The following BRDT variants were observed in gnomAD, a reference collection of about 807,000 sequenced individuals.
BRDT encodes bromodomain testis associated, also known as bromodomain testis-specific protein.
A neutral mutation model predicts 113.9 loss-of-function variants in BRDT; 77 were observed. That is an observed-to-expected ratio of 0.68 (90% CI 0.56 to 0.82). The LOEUF is 0.82. BRDT is among the 40% of genes least tolerant of loss of function. BRDT has a pLI of 0.00. For synonymous variants in BRDT, 358 were observed against 366.5 expected (o/e 0.98, Z 0.26); for missense variants, 1,027 against 1,105.4 (o/e 0.93, Z 1.01).
intron 2 of BRDT, among the ~76,000 whole-genome samples, chr1:91,963,684 T>C (rs1682745973): frequency 6.6e-6 from 1 of 152,186 alleles, no homozygotes; most frequent in Non-Finnish European, 1.5e-5. Flanking sequence ...AATTTTATTC[T>C]ATGGAGTCAG....
At chr1:91,973,584 G>A (rs911456787) in intron 4 of BRDT, among the ~76,000 whole-genome samples, 3 of 152,252 alleles carry the variant, frequency 2.0e-5, no homozygotes, top group African/African-American at 7.2e-5. Flanking sequence ...CTGTTTGTCT[G>A]TTATTGGTGT....
At chr1:91,984,590 C>T (rs894456690) in intron 12 of BRDT, among the ~76,000 whole-genome samples, 5 of 151,878 alleles carry the variant, frequency 3.3e-5, no homozygotes, top group African/African-American at 1.2e-4. Flanking sequence ...TAAAAATTGA[C>T]TGAAAATATG....
At chr1:91,963,194 A>G (rs1331818127) in intron 2 of BRDT, among the ~76,000 whole-genome samples, 1 of 152,174 alleles carries the variant, frequency 6.6e-6, no homozygotes, top group African/African-American at 2.4e-5. Context: ...GTGGTGGCAC[A>G]TGCCTGTACT....
chr1:91,966,006 A>T (rs1305889288), intron 3 of BRDT, among the ~76,000 whole-genome samples: 2 of 152,052 alleles, frequency 1.3e-5, no homozygotes, highest in Non-Finnish European at 2.9e-5. Context: ...TGCCCATATG[A>T]TATATGTAGA....
At chr1:91,979,899 T>G (rs1470609886) in intron 8 of BRDT, 142 bp downstream of exon 8, 2 of 629,924 alleles carry the variant, frequency 3.2e-6, no homozygotes, top group African/African-American at 3.7e-5. Flanking sequence ...TTTGTAATGT[T>G]TAATAGTTTT....
intron 12 of BRDT, among the ~76,000 whole-genome samples, chr1:91,988,361 G>A (rs978944908): frequency 6.6e-6 from 1 of 152,058 alleles, no homozygotes; most frequent in African/African-American, 2.4e-5. Context: ...TTGGCAATGT[G>A]TAAGTTGTCA....
At chr1:91,961,942 G>A (rs1489361428) in intron 1 of BRDT, among the ~76,000 whole-genome samples, 1 of 151,832 alleles carries the variant, frequency 6.6e-6, no homozygotes, top group Non-Finnish European at 1.5e-5. Context: ...CGGATCACGA[G>A]GTCAGGAGAT....
intron 1 of BRDT, among the ~76,000 whole-genome samples, chr1:91,958,521 C>T (rs1195041675): frequency 6.6e-6 from 1 of 152,146 alleles, no homozygotes; most frequent in Non-Finnish European, 1.5e-5. Flanking sequence ...CAGCCGATAG[C>T]TCATTTCTTT....
At chr1:91,998,790 G>A (rs1203645549) in intron 15 of BRDT, among the ~76,000 whole-genome samples, 1 of 152,190 alleles carries the variant, frequency 6.6e-6, no homozygotes, top group Non-Finnish European at 1.5e-5. Flanking sequence ...GCTTACCTAT[G>A]TTTATTTAGT....
At chr1:91,971,086 GT>G (rs1330342375) in intron 4 of BRDT, among the ~76,000 whole-genome samples, 1 of 152,048 alleles carries the variant, frequency 6.6e-6, no homozygotes, top group East Asian at 1.9e-4. Context: ...AGAGGGAGCT[GT>G]TGTATCACAT....
rs112903599 is a variant in BRDT, at chr1:91,984,658, C to T, written c.2002+2903C>T. Among the ~76,000 whole-genome samples the T allele has an allele frequency of 9.1e-3, 1,390 of 152,124 alleles. 19 individuals carry two copies. The highest frequency in any genetic ancestry group is 0.023 in the African/African-American group (951 of 41,512). The stretch of plus-strand genomic sequence containing the variant: ...TAATTAAAAAAAATTTTTTTTGAGA[C>T]AGGGTCTGGCTCTGTCGCCCAGGCT... On this transcript the variant is annotated intron_variant, in intron 12 of 18. Transcript: ENST00000399546.
chr1:91,952,566 A>AC (rs925083671), intron 1 of BRDT, among the ~76,000 whole-genome samples: 67 of 236 alleles, frequency 0.28, no homozygotes, highest in African/African-American at 0.4. Flanking sequence ...TTTAAAGGAG[A>AC]CTGACAAAGT....
chr1:91,971,442 T>C (rs1570493241), intron 4 of BRDT, among the ~76,000 whole-genome samples: 1 of 152,358 alleles, frequency 6.6e-6, no homozygotes, highest in African/African-American at 2.4e-5. Context: ...AGCATTCCAC[T>C]ACCAGAGTCA....
In BRDT at chr1:91,981,026, T is replaced by C. The variant is rs749394866; in HGVS notation, c.1598T>C (p.Val533Ala). ...CTCCCTGGAGATAAACTTGGGCGAGTAGTTCACATAATACAATCAAGAGAG... is the reference window on the plus strand; with the variant it reads ...CTCCCTGGAGATAAACTTGGGCGAGCAGTTCACATAATACAATCAAGAGAG... ...NKLPGDKLGR[V>A]VHIIQSREPS... The change falls in exon 10 of 19, where the codon GTA (valine) becomes GCA (alanine). Residue 533 changes from valine to alanine, a missense_variant. Coordinates refer to ENST00000399546, the MANE Select transcript of BRDT (RefSeq NM_207189.4). 1.9e-6 allele frequency: 3 copies of C among 1,613,894 alleles called. No homozygotes were observed. In the South Asian group the frequency reaches 3.3e-5, roughly 18 times the overall value.
intron 1 of BRDT, among the ~76,000 whole-genome samples, chr1:91,962,490 C>T (rs1270856237): frequency 6.6e-6 from 1 of 151,962 alleles, no homozygotes; most frequent in African/African-American, 2.4e-5. Flanking sequence ...TGCACTACCA[C>T]CTCTGGCTAA....
At chr1:91,992,412 CA>C (rs55996004) in intron 14 of BRDT, 98 bp downstream of exon 14, 81,588 of 178,940 alleles carry the variant, frequency 0.46, 16,091 homozygotes, top group Admixed American at 0.61. Context: ...TGAAGAGAGG[CA>C]AAAAAAAAAA....
chr1:92,006,447 TTTTGTTTGTTTG>T (rs371990391), intron 18 of BRDT, among the ~76,000 whole-genome samples: 1 of 151,898 alleles, frequency 6.6e-6, no homozygotes, highest in African/African-American at 2.4e-5. Flanking sequence ...GGGAGCTTGC[TTTTGTTTGTTTG>T]TTTGTTTGTT....
At chr1:92,008,462 T>C (rs1262155245) in intron 18 of BRDT, among the ~76,000 whole-genome samples, 1 of 152,150 alleles carries the variant, frequency 6.6e-6, no homozygotes, top group Non-Finnish European at 1.5e-5. Context: ...CCCCTCTATA[T>C]ATATGCCCTC....
At chr1:92,005,599 A>C (rs1385883895) in intron 18 of BRDT, among the ~76,000 whole-genome samples, 1 of 152,170 alleles carries the variant, frequency 6.6e-6, no homozygotes. Context: ...AGCTATGATC[A>C]CACCACTACA....
Sources: allele counts gnomAD v4.1 joint callset (sites outside exome capture counted in the v4.1 genomes callset), GRCh38; gene constraint gnomAD v4.1.1; transcripts MANE v1.5; gene names NCBI Gene and HGNC (gene_info 2026-07-23, HGNC 2026-07-21).